STX4: variants seen among roughly 807,000 people sequenced by gnomAD.
STX4 encodes the protein syntaxin 4, also known as syntaxin-4.
In STX4, 24 loss-of-function variants were observed where a neutral mutation model predicts 41.8. The ratio of observed to expected loss-of-function variants is 0.57; its 90% CI spans 0.42 to 0.81. The LOEUF is 0.81. Among genes scored for constraint, STX4 ranks in the 30% least tolerant of loss-of-function variants. The pLI, the probability that STX4 is intolerant of heterozygous loss-of-function variation, is 0.00. For missense variants in STX4, 316 were observed against 389.9 expected (o/e 0.81, Z 1.60); for synonymous variants, 158 against 156.4 (o/e 1.01, Z -0.08).
chr16:31,033,288 G>A, upstream of STX4: 6 of 714,400 alleles, frequency 8.4e-6, no homozygotes, highest in South Asian at 3.0e-5. The surrounding 1 kb of genome is among the most constrained non-coding windows in gnomAD (Gnocchi z 5.5). Context: ...GTTTGGGACC[G>A]GGCTGGTCAC....
In STX4 at chr16:31,038,632, C is replaced by T. The variant is rs767314374; in HGVS notation, c.687C>T (p.Thr229=). The T allele has an allele frequency of 1.2e-5, 19 of 1,613,890 alleles. No individual in the cohort carries two copies. The highest frequency in any genetic ancestry group is 4.5e-5 in the East Asian group (2 of 44,886). ...ACGACATATTCACTTTTCTGGCTAC[C>T]GAAGTGGAGATGCAGGTGGGTGCCC... is the stretch of plus-strand genomic sequence containing the variant. ...ELHDIFTFLA[T]EVEMQGEMIN... Residue 229 remains threonine, a synonymous_variant, in exon 8 of 11, where the codon ACC becomes ACT. Transcript: ENST00000313843.
chr16:31,033,984 G>C lies in STX4; in HGVS notation c.31-29G>C. On this transcript the variant is annotated intron_variant, in intron 1 of 10. Coordinates refer to ENST00000313843, the MANE Select transcript of STX4 (RefSeq NM_004604.5). The surrounding 1 kb of genome is among the most constrained non-coding windows in gnomAD (Gnocchi z 5.5). ...TGCGGGGTAAGAGCCGCAGCGAAAC[G>C]GTGGTGCCAATGACTCCGGGCCTGG... 2 of 1,546,972 alleles carry C rather than the reference G, an allele frequency of 1.3e-6. No homozygotes were observed. Among genetic ancestry groups the C allele is most frequent in the South Asian group, 2.4e-5 (2 of 83,602 alleles).
At position 31,034,448 on chromosome 16, in the gene STX4, CT is replaced by C; in HGVS notation, c.233-12del. On this transcript the variant is annotated splice_polypyrimidine_tract_variant and intron_variant, in intron 3 of 10. Transcript: ENST00000313843. ...GGGGCTGCTGTTTGGGAGTCTTGGCCTTCTCTTATTCAGGCATGAAGCAGGA... is the reference window on the plus strand; with the variant it reads ...GGGGCTGCTGTTTGGGAGTCTTGGCCTCTCTTATTCAGGCATGAAGCAGGA... 1 of 1,599,466 alleles carries C rather than the reference CT, an allele frequency of 6.3e-7. No individual in the cohort carries two copies. The highest frequency in any genetic ancestry group is 8.5e-7 in the Non-Finnish European group (1 of 1,171,032).
chr16:31,038,326 T>C (rs1329938338), intron 7 of STX4, 136 bp downstream of exon 7: 27 of 1,320,798 alleles, frequency 2.0e-5, no homozygotes, highest in Non-Finnish European at 2.4e-5. Flanking sequence ...TGCAAGCCAC[T>C]GCACCCCGCT....
Position 31,034,280 on chromosome 16 carries a change from G to T in STX4, c.187G>T (p.Glu63Ter). The change falls in exon 3 of 11, where the codon GAG becomes TAG. Residue 63 changes from glutamate to a stop codon, truncating the protein, a stop_gained. Transcript: ENST00000313843. LOFTEE classifies it high-confidence loss of function. Reference sequence around the variant, plus strand: ...ACTGGGGAATAAAGTCCAGGAGTTGGAGAAACAGCAGGTCACCATCCTGGC... The same window carrying T: ...ACTGGGGAATAAAGTCCAGGAGTTGTAGAAACAGCAGGTCACCATCCTGGC... ...VKLGNKVQELEKQQVTILATP... is the reference protein window; with the variant it reads ...VKLGNKVQEL 1 of 1,614,206 alleles carries T rather than the reference G, an allele frequency of 6.2e-7. No individual in the cohort carries two copies. The highest frequency in any genetic ancestry group is 8.5e-7 in the Non-Finnish European group (1 of 1,180,042).
chr16:31,034,768 C>T (rs1264434436), intron 4 of STX4: 5 of 678,206 alleles, frequency 7.4e-6, no homozygotes, highest in African/African-American at 1.8e-5. Flanking sequence ...TATCGCTGCC[C>T]ACTGGGCATT....
At position 31,033,800 on chromosome 16, in the gene STX4, G is replaced by T; in HGVS notation, c.-6G>T. On this transcript the variant is annotated 5_prime_UTR_variant, in exon 1 of 11. Transcript: ENST00000313843. The surrounding 1 kb of genome is among the most constrained non-coding windows in gnomAD (Gnocchi z 5.5). Reference sequence around the variant, plus strand: ...CTGGCGCCGGGGAGGGAGAGCTCAGGCCGCCATGCGGGACAGGACCCACGA... The same window carrying T: ...CTGGCGCCGGGGAGGGAGAGCTCAGTCCGCCATGCGGGACAGGACCCACGA... 1 of 1,452,960 alleles carries T rather than the reference G, an allele frequency of 6.9e-7. No homozygotes were observed. The highest frequency in any genetic ancestry group is 1.5e-5 in the South Asian group (1 of 67,252). 90.0% of individuals were successfully genotyped at this position (1,452,960 alleles called of 1,614,324 possible).
intron 4 of STX4, 163 bp from the exon 5 acceptor site, chr16:31,034,807 G>A: frequency 1.4e-6 from 1 of 718,408 alleles, no homozygotes; most frequent in South Asian, 2.3e-5. Flanking sequence ...AGTTTTGTTA[G>A]GTGGCCTCTG....
intron 4 of STX4, 191 bp downstream of exon 4, chr16:31,034,727 T>C: frequency 1.4e-6 from 1 of 714,066 alleles, no homozygotes. Context: ...CAGGTTCTTT[T>C]ATTTACAATG....
At chr16:31,034,838 GATGTA>G (rs2056787370) in intron 4 of STX4, 127 bp from the exon 5 acceptor site, 2 of 865,506 alleles carry the variant, frequency 2.3e-6, no homozygotes, top group African/African-American at 3.5e-5. Flanking sequence ...GGAACTCAGT[GATGTA>G]ATGCAAAGAA....
Position 31,039,728 on chromosome 16 carries a change from A to T in STX4, c.819A>T (p.Lys273Asn). ...GACCCCCTCCTCTCCCACAGAAGAA[A>T]GTCTTGATTGCCATCTGTGTGTCCA... ...LENQKKARKKKVLIAICVSIT... is the reference protein window; with the variant it reads ...LENQKKARKKNVLIAICVSIT... The change falls in exon 10 of 11, where the codon AAA (lysine) becomes AAT (asparagine). Residue 273 changes from lysine (K) to asparagine (N), a missense_variant. Transcript: ENST00000313843. This position sits in a 1 kb window ranked among gnomAD's most constrained non-coding sequence, Gnocchi z 4.1. The T allele has an allele frequency of 6.2e-7, 1 of 1,614,184 alleles. No individual in the cohort carries two copies. Among genetic ancestry groups the T allele is most frequent in the Admixed American group, 1.7e-5 (1 of 60,020 alleles).
chr16:31,039,687 C>G lies in STX4; in HGVS notation c.813+36C>G, dbSNP rs544762593. ...CAGGCCCGGCCACTGCCCCAGGCAC[C>G]CTGTGTGACTTCCCTGACCCCCTCC... On this transcript the variant is annotated intron_variant, in intron 9 of 10. Transcript: ENST00000313843. This position sits in a 1 kb window ranked among gnomAD's most constrained non-coding sequence, Gnocchi z 4.1. 2.5e-6 allele frequency: 4 copies of G among 1,614,000 alleles called. No individual in the cohort carries two copies. The highest frequency in any genetic ancestry group is 1.1e-5 in the South Asian group (1 of 91,092).
At position 31,034,173 on chromosome 16, in the gene STX4, C is replaced by T. The variant is rs765608882; in HGVS notation, c.133-53C>T. On this transcript the variant is annotated intron_variant, in intron 2 of 10. Coordinates refer to ENST00000313843, the MANE Select transcript of STX4 (RefSeq NM_004604.5). ...GGGTGTAGGAGGACCCGAGGAGTAG[C>T]GTGGTCTGGAGTACCCCATATCTCT... is the stretch of plus-strand genomic sequence containing the variant. 6.2e-6 allele frequency: 10 copies of T among 1,612,982 alleles called. No homozygotes were observed. The South Asian group carries it at 9.9e-5, about 16-fold the overall frequency.
At chr16:31,035,784 T>C (rs1201515016) in intron 5 of STX4, 1 of 151,954 alleles carries the variant, frequency 6.6e-6, no homozygotes, top group Non-Finnish European at 1.5e-5. Flanking sequence ...ATTTTTTTAA[T>C]TATTATTATT....
upstream of STX4, chr16:31,033,343 C>T (rs781638475): frequency 1.2e-6 from 1 of 823,802 alleles, no homozygotes; most frequent in South Asian, 1.4e-5. This position sits in a 1 kb window ranked among gnomAD's most constrained non-coding sequence, Gnocchi z 5.5. Flanking sequence ...ATGCGGGTGT[C>T]TCGGATTACG....
chr16:31,034,948 A>C, intron 4 of STX4, 22 bp from the exon 5 acceptor site: 1 of 1,563,052 alleles, frequency 6.4e-7, no homozygotes, highest in Non-Finnish European at 8.6e-7. Context: ...AGTACCCCCA[A>C]TACCCCTGTG....
rs1259583499 is a variant in STX4, at chr16:31,038,579, C to T, written c.634C>T (p.Gln212Ter). ...EISARHSEIQ[Q>*]LERSIRELHD... Reference sequence around the variant, plus strand: ...CTCGGCCCGGCACAGTGAGATCCAGCAGCTTGAACGCAGTATTCGTGAGCT... The same window carrying T: ...CTCGGCCCGGCACAGTGAGATCCAGTAGCTTGAACGCAGTATTCGTGAGCT... The change falls in exon 8 of 11, where the codon CAG (glutamine) becomes TAG (stop). Residue 212 changes from glutamine (Q) to a stop codon, truncating the protein, a stop_gained. Transcript: ENST00000313843. LOFTEE classifies it high-confidence loss of function. The T allele has an allele frequency of 1.2e-6, 2 of 1,614,148 alleles. No individual in the cohort carries two copies. Among genetic ancestry groups the T allele is most frequent in the Non-Finnish European group, 1.7e-6 (2 of 1,180,032 alleles).
chr16:31,034,300 C>T lies in STX4; in HGVS notation c.207C>T (p.Ile69=). ...VQELEKQQVT[I]LATPLPEESM... ...AGTTGGAGAAACAGCAGGTCACCATCCTGGCCACGCCCCTTCCCGAGGAGA... is the reference window on the plus strand; with the variant it reads ...AGTTGGAGAAACAGCAGGTCACCATTCTGGCCACGCCCCTTCCCGAGGAGA... Residue 69 remains isoleucine, a synonymous_variant, in exon 3 of 11, where the codon ATC becomes ATT. Coordinates refer to ENST00000313843, the MANE Select transcript of STX4 (RefSeq NM_004604.5). 2.5e-6 allele frequency: 4 copies of T among 1,614,196 alleles called. No homozygotes were observed. The highest frequency in any genetic ancestry group is 1.1e-5 in the South Asian group (1 of 91,078).
At position 31,039,165 on chromosome 16, in the gene STX4, G is replaced by T; in HGVS notation, c.703-376G>T. 1 of 262,408 alleles carries T rather than the reference G, an allele frequency of 3.8e-6. No homozygotes were observed. The highest frequency in any genetic ancestry group is 7.4e-6 in the Non-Finnish European group (1 of 134,400). 16.3% of individuals were successfully genotyped at this position (262,408 alleles called of 1,614,324 possible). ...GTAGGAGTACTGAGACCTGAGGCTG[G>T]TGGTGCCAGGAGGAGGCAGGGATAG... On this transcript the variant is annotated intron_variant, in intron 8 of 10. Coordinates refer to ENST00000313843, the MANE Select transcript of STX4 (RefSeq NM_004604.5). This position sits in a 1 kb window ranked among gnomAD's most constrained non-coding sequence, Gnocchi z 4.1.
Sources: gnomAD v4.1 joint callset for allele counts on GRCh38, gnomAD v4.1.1 for gene constraint, Gnocchi (gnomAD v3.1) non-coding constraint, MANE v1.5 for transcripts, NCBI Gene and HGNC (gene_info 2026-07-23, HGNC 2026-07-21) for gene names.